Variants in DRC10 observed in about 807,000 individuals in gnomAD.
The protein encoded by DRC10 is IQ domain-containing protein D.
the DRC10 span, among the ~76,000 whole-genome samples, chr12:113,196,262 C>T: frequency 1.3e-5 from 2 of 152,086 alleles, no homozygotes; most frequent in East Asian, 1.9e-4. Context: ...TTAAATGACC[C>T]GATGGACACA....
the DRC10 span, among the ~76,000 whole-genome samples, chr12:113,201,958 C>G: frequency 6.6e-6 from 1 of 152,318 alleles, no homozygotes; most frequent in South Asian, 2.1e-4. Context: ...CACTGAGGTT[C>G]AATGACATGA....
chr12:113,211,433 G>A, the DRC10 span, among the ~76,000 whole-genome samples: 1 of 152,132 alleles, frequency 6.6e-6, no homozygotes, highest in African/African-American at 2.4e-5. Flanking sequence ...GCCAGATCAG[G>A]TGCTAAGGAT....
chr12:113,209,576 G>T, the DRC10 span, among the ~76,000 whole-genome samples: 1 of 152,204 alleles, frequency 6.6e-6, no homozygotes, highest in South Asian at 2.1e-4. Flanking sequence ...TTATAGAGAT[G>T]AGCTCCACTA....
At chr12:113,199,359 G>A in the DRC10 span, among the ~76,000 whole-genome samples, 1 of 152,108 alleles carries the variant, frequency 6.6e-6, no homozygotes, top group Non-Finnish European at 1.5e-5. Context: ...TCACGCCACT[G>A]CACTCTGGCA....
At chr12:113,210,611 AG>A in the DRC10 span, among the ~76,000 whole-genome samples, 635 of 141,728 alleles carry the variant, frequency 4.5e-3, 8 homozygotes, top group South Asian at 0.037. Flanking sequence ...AAAGAAAAAA[AG>A]AAAAAAAAAA....
chr12:113,211,923 G>C, the DRC10 span, among the ~76,000 whole-genome samples: 4 of 151,952 alleles, frequency 2.6e-5, no homozygotes, highest in Admixed American at 2.0e-4. Flanking sequence ...AAATTAGCCT[G>C]TCATGGTGGC....
the DRC10 span, among the ~76,000 whole-genome samples, chr12:113,201,012 G>C: frequency 6.6e-6 from 1 of 152,144 alleles, no homozygotes; most frequent in East Asian, 1.9e-4. Flanking sequence ...GGTGGTGCAT[G>C]CCTGTAATCC....
the DRC10 span, among the ~76,000 whole-genome samples, chr12:113,201,150 AG>A: frequency 3.9e-4 from 59 of 152,074 alleles, no homozygotes; most frequent in Admixed American, 8.5e-4. Flanking sequence ...CAAAAAAAAA[AG>A]CAACTCTCCA....
the DRC10 span, chr12:113,200,853 G>A: frequency 2.8e-6 from 4 of 1,429,496 alleles, no homozygotes; most frequent in Non-Finnish European, 3.7e-6. Flanking sequence ...ATACCTCCAT[G>A]CCCAGCCGGG....
chr12:113,199,078 C>T, the DRC10 span, among the ~76,000 whole-genome samples: 5 of 152,064 alleles, frequency 3.3e-5, no homozygotes, highest in African/African-American at 1.2e-4. Context: ...GCTGGGATTA[C>T]AGGTGCATGC....
the DRC10 span, among the ~76,000 whole-genome samples, chr12:113,206,661 G>A: frequency 6.6e-6 from 1 of 151,742 alleles, no homozygotes; most frequent in Admixed American, 6.6e-5. Context: ...TGGCGACACC[G>A]AGCACCCATT....
chr12:113,211,886 T>C, the DRC10 span, among the ~76,000 whole-genome samples: 1 of 151,568 alleles, frequency 6.6e-6, no homozygotes, highest in Admixed American at 6.6e-5. Flanking sequence ...GGCAACAAAA[T>C]GAGACCTCTA....
chr12:113,206,970 G>C, the DRC10 span, among the ~76,000 whole-genome samples: 1 of 152,156 alleles, frequency 6.6e-6, no homozygotes, highest in Non-Finnish European at 1.5e-5. Flanking sequence ...TGAGATGGGA[G>C]GATTGCTTAA....
chr12:113,201,438 G>A, the DRC10 span, among the ~76,000 whole-genome samples: 3 of 152,216 alleles, frequency 2.0e-5, no homozygotes, highest in Non-Finnish European at 2.9e-5. Flanking sequence ...GTACAAGCTT[G>A]TTGGATTGAG....
chr12:113,208,214 T>A, the DRC10 span: 30 of 1,550,016 alleles, frequency 1.9e-5, no homozygotes, highest in Non-Finnish European at 2.6e-5. Context: ...AGATGGAGAC[T>A]TCGGTAGACT....
At chr12:113,212,903 T>C in the DRC10 span, among the ~76,000 whole-genome samples, 17 of 152,212 alleles carry the variant, frequency 1.1e-4, no homozygotes, top group Middle Eastern at 3.2e-3. Context: ...TGTTAATGGA[T>C]GGGAAACTTT....
chr12:113,220,070 T>A, the DRC10 span, among the ~76,000 whole-genome samples: 2 of 152,088 alleles, frequency 1.3e-5, no homozygotes, highest in Non-Finnish European at 2.9e-5. Context: ...GGTGATCTGC[T>A]GGCCTCGGCC....
At chr12:113,219,939 C>G in the DRC10 span, among the ~76,000 whole-genome samples, 2 of 152,178 alleles carry the variant, frequency 1.3e-5, no homozygotes, top group African/African-American at 4.8e-5. Context: ...TCCTGAGTAG[C>G]TGGGATCACA....
chr12:113,221,074 A>C, the DRC10 span: 3 of 431,384 alleles, frequency 7.0e-6, no homozygotes, highest in Non-Finnish European at 1.4e-5. Context: ...CGCCAATCTC[A>C]GAAGGCGAGA....
Sources: gnomAD v4.1 joint callset for allele counts (sites outside exome capture counted in the v4.1 genomes callset) on GRCh38, gnomAD v4.1.1 for gene constraint, MANE v1.5 for transcripts, NCBI Gene and HGNC (gene_info 2026-07-23, HGNC 2026-07-21) for gene names.